The following TTF1 variants were observed in gnomAD, a reference collection of about 807,000 sequenced individuals.
TTF1 encodes transcription termination factor 1.
TTF1 carries 64 observed loss-of-function variants against 80.2 expected under a neutral mutation model. The observed-to-expected ratio is 0.80, with a 90% CI of 0.65 to 0.98. The LOEUF (loss-of-function observed/expected upper bound fraction) is 0.98, where lower values mean the gene tolerates loss of function less well. Ranked by LOEUF, TTF1 falls within the 50% of genes least tolerant of loss-of-function variation. The pLI is 0.00. For missense variants in TTF1, 1,023 were observed against 1,086.2 expected, an observed-to-expected ratio of 0.94 and a Z score of 0.82; for synonymous variants, 372 against 382.7, an observed-to-expected ratio of 0.97 and a Z score of 0.33.
intron 9 of TTF1, among the ~76,000 whole-genome samples, chr9:132,382,614 A>G (rs1236882326): frequency 6.6e-6 from 1 of 152,138 alleles, no homozygotes; most frequent in African/African-American, 2.4e-5. Context: ...AACAGCAAAG[A>G]TGGACGATCT....
chr9:132,390,748 G>A lies in TTF1; in HGVS notation c.2071C>T (p.Pro691Ser), dbSNP rs1832230760. ...GAATCCACCTCTTTTAACTCCTGGG[G>A]AGACATCTTCTTCAGAATCACTTCT... ...VEEVILKKMS[P>S]QELKEVDSKL... is the part of the protein sequence containing the mutation. Residue 691 changes from proline to serine, a missense_variant, in exon 7 of 11, where the codon CCC (proline) becomes TCC (serine). Coordinates refer to ENST00000334270, the MANE Select transcript of TTF1 (RefSeq NM_007344.4). The A allele has an allele frequency of 6.2e-7, 1 of 1,614,086 alleles. No homozygotes were observed. Among genetic ancestry groups the A allele is most frequent in the African/African-American group, 1.3e-5 (1 of 74,930 alleles).
At chr9:132,378,318 TGTG>T (rs1387568923) in intron 10 of TTF1, among the ~76,000 whole-genome samples, 5 of 133,324 alleles carry the variant, frequency 3.8e-5, no homozygotes, top group Admixed American at 7.7e-5. Context: ...TGTGAGTGCA[TGTG>T]GTGTGTGTGT....
At chr9:132,392,275 A>G in intron 5 of TTF1, 69 bp from the exon 6 acceptor site, 1 of 1,575,340 alleles carries the variant, frequency 6.3e-7, no homozygotes, top group South Asian at 1.2e-5. Flanking sequence ...TTCTCATCCC[A>G]GTACGCAGCA....
chr9:132,390,272 G>T (rs1413684166), intron 7 of TTF1, among the ~76,000 whole-genome samples: 3 of 152,186 alleles, frequency 2.0e-5, no homozygotes. Context: ...GAGCCACTGC[G>T]CGTGGCCCCT....
intron 4 of TTF1, among the ~76,000 whole-genome samples, chr9:132,396,895 G>A (rs1849662439): frequency 6.6e-6 from 1 of 152,014 alleles, no homozygotes; most frequent in Non-Finnish European, 1.5e-5. Flanking sequence ...TTCATTTGGT[G>A]AAGGCTGCTT....
At chr9:132,388,932 T>C (rs1393036863) in intron 7 of TTF1, among the ~76,000 whole-genome samples, 1 of 152,222 alleles carries the variant, frequency 6.6e-6, no homozygotes, top group East Asian at 1.9e-4. Context: ...ATCAACAACA[T>C]TGTTGCTCTT....
intron 5 of TTF1, among the ~76,000 whole-genome samples, chr9:132,395,991 C>G (rs1275512450): frequency 6.6e-6 from 1 of 152,184 alleles, no homozygotes; most frequent in Admixed American, 6.5e-5. Context: ...CAGGTTGATA[C>G]CACTGAACTG....
intron 4 of TTF1, among the ~76,000 whole-genome samples, chr9:132,397,417 A>T (rs1460900654): frequency 6.6e-6 from 1 of 152,210 alleles, no homozygotes; most frequent in East Asian, 1.9e-4. Context: ...CCCATATGAC[A>T]GCATGACCTT....
chr9:132,401,808 C>T lies in TTF1; in HGVS notation c.1014G>A (p.Lys338=). ...CTGCCTCAAATTCCTGGTGATTGGA[C>T]TTTTTCTTTTTTTTCTTAGACTTGT... The part of the protein sequence containing the change: ...YKNKSKKKKK[K]SNHQEFEAVA... The change falls in exon 2 of 11, where the codon AAG becomes AAA. Residue 338 remains lysine, a synonymous_variant. Transcript: ENST00000334270. The T allele has an allele frequency of 6.2e-7, 1 of 1,614,082 alleles. No individual in the cohort carries two copies. The highest frequency in any genetic ancestry group is 1.1e-5 in the South Asian group (1 of 91,080).
chr9:132,402,520 C>T lies in TTF1; in HGVS notation c.302G>A (p.Gly101Asp). 6.2e-7 allele frequency: 1 copy of T among 1,614,214 alleles called. No homozygotes were observed. The highest frequency in any genetic ancestry group is 1.6e-4 in the Middle Eastern group (1 of 6,062). ...YSALEVDEEA[G>D]VTVVLVDKEN... The stretch of plus-strand genomic sequence containing the variant: ...TTTATCCACAAGGACAACTGTAACA[C>T]CTGCTTCCTCGTCCACCTCCAAAGC... The change falls in exon 2 of 11, where the codon GGT becomes GAT. Residue 101 changes from glycine to aspartate, a missense_variant. By Grantham distance (94) the Gly-to-Asp change is moderately conservative (BLOSUM62 -1). Coordinates refer to ENST00000334270, the MANE Select transcript of TTF1 (RefSeq NM_007344.4).
chr9:132,397,922 G>T (rs1204313586), intron 4 of TTF1, among the ~76,000 whole-genome samples: 1 of 151,964 alleles, frequency 6.6e-6, no homozygotes, highest in African/African-American at 2.4e-5. Context: ...AGAGGTGGAG[G>T]TTGCAGTGAG....
chr9:132,401,375 G>A lies in TTF1; in HGVS notation c.1367+80C>T, dbSNP rs1849758815. 1.1e-5 allele frequency: 14 copies of A among 1,231,142 alleles called. No homozygotes were observed. In the East Asian group the frequency reaches 3.9e-4, roughly 35 times the overall value. The allele number at this position is 1,231,142 out of a possible 1,614,324, so 76.3% of individuals were successfully genotyped here. On this transcript the variant is annotated intron_variant, in intron 2 of 10. Transcript: ENST00000334270. ...AAAATAAAATTAAAAATAAAAAAAAGTCTGTGCTAAATAAAGAGGTATCGG... is the reference window on the plus strand; with the variant it reads ...AAAATAAAATTAAAAATAAAAAAAAATCTGTGCTAAATAAAGAGGTATCGG...
Position 132,400,395 on chromosome 9 carries a change from C to T in TTF1, c.1368-137G>A, listed in dbSNP as rs1442226967. 7.4e-6 allele frequency: 5 copies of T among 675,450 alleles called. No homozygotes were observed. In the African/African-American group the frequency reaches 9.0e-5, roughly 12 times the overall value. The allele number at this position is 675,450 out of a possible 1,614,324, so 41.8% of individuals were successfully genotyped here. On this transcript the variant is annotated intron_variant, in intron 2 of 10. Transcript: ENST00000334270. ...CTGGAGTGCAATGGTGCGATCTCAG[C>T]TCACTGCAACTTCTGCCTCCCGGTT...
At chr9:132,399,998 AG>A (rs779987588) in intron 3 of TTF1, 36 bp downstream of exon 3, 1 of 1,607,084 alleles carries the variant, frequency 6.2e-7, no homozygotes, top group African/African-American at 1.3e-5. Context: ...CTCTGCATAC[AG>A]GAAGTTCAAC....
chr9:132,400,520 G>A (rs1286597573), intron 2 of TTF1, among the ~76,000 whole-genome samples: 1 of 151,986 alleles, frequency 6.6e-6, no homozygotes, highest in African/African-American at 2.4e-5. Context: ...ACAGGGTTTC[G>A]CCATGTTGGC....
chr9:132,379,412 G>T (rs1849327001), intron 9 of TTF1, among the ~76,000 whole-genome samples: 2 of 152,174 alleles, frequency 1.3e-5, no homozygotes, highest in South Asian at 4.1e-4. Flanking sequence ...TGTATCACTA[G>T]TCGAGAAGGC....
At chr9:132,376,662 C>CTTT (rs530150374) in intron 10 of TTF1, among the ~76,000 whole-genome samples, 1 of 136,608 alleles carries the variant, frequency 7.3e-6, no homozygotes, top group Non-Finnish European at 1.6e-5. Flanking sequence ...AATCTGTATC[C>CTTT]TTTTTTTTTT....
chr9:132,401,223 G>A (rs1849755850), intron 2 of TTF1, among the ~76,000 whole-genome samples: 1 of 152,120 alleles, frequency 6.6e-6, no homozygotes, highest in Admixed American at 6.5e-5. Flanking sequence ...CTACTCAGGA[G>A]GCTGAGGCTG....
At position 132,392,210 on chromosome 9, in the gene TTF1, G is replaced by A. The variant is rs752863953; in HGVS notation, c.1857-4C>T. ...CTCAGTATCTCCTTCGCTATACCTA[G>A]GAGAAAGGGAAAATGTTTTACAAGT... On this transcript the variant is annotated splice_polypyrimidine_tract_variant and splice_region_variant and intron_variant, in intron 5 of 10. Transcript: ENST00000334270. The A allele has an allele frequency of 3.1e-6, 5 of 1,613,868 alleles. No individual in the cohort carries two copies.
Sources: gnomAD v4.1 joint callset for allele counts (sites outside exome capture counted in the v4.1 genomes callset) on GRCh38, gnomAD v4.1.1 for gene constraint, MANE v1.5 for transcripts, NCBI Gene and HGNC (gene_info 2026-07-23, HGNC 2026-07-21) for gene names.